The following KCTD19 variants were observed in gnomAD, a reference collection of about 807,000 sequenced individuals.
The protein encoded by KCTD19 is potassium channel tetramerization domain containing 19.
A neutral mutation model predicts 103.5 loss-of-function variants in KCTD19; 67 were observed. The observed-to-expected ratio is 0.65, with a 90% CI of 0.53 to 0.79. KCTD19 has a LOEUF of 0.79. KCTD19 is among the 30% of genes least tolerant of loss of function. KCTD19 has a pLI of 0.00. For synonymous variants in KCTD19, 439 were observed against 452.2 expected, an observed-to-expected ratio of 0.97 and a Z score of 0.37; for missense variants, 980 against 1,136.1, an observed-to-expected ratio of 0.86 and a Z score of 1.98.
intron 5 of KCTD19, among the ~76,000 whole-genome samples, 184 bp downstream of exon 5, chr16:67,301,607 C>T (rs74943164): frequency 2.6e-5 from 4 of 152,208 alleles, no homozygotes; most frequent in South Asian, 2.1e-4. Context: ...AAGGCTGAGC[C>T]GGCAGGGCAG....
In KCTD19 at chr16:67,295,390, AC is replaced by A; in HGVS notation, c.1263del (p.Ser422ProfsTer31). 6.2e-7 allele frequency: 1 copy of A among 1,612,910 alleles called. No homozygotes were observed. The highest frequency in any genetic ancestry group is 8.5e-7 in the Non-Finnish European group (1 of 1,179,072). ...LQTLLKYPEL[L>X]SNPQRVYWIT... ...ATCCAGTACACTCTCTGAGGGTTGGACAGCAGTTCTGGATACTGGAGGGGGT... is the reference window on the plus strand; with the variant it reads ...ATCCAGTACACTCTCTGAGGGTTGGAAGCAGTTCTGGATACTGGAGGGGGT... On this transcript the variant is annotated frameshift_variant, in exon 9 of 16. Transcript: ENST00000304372. LOFTEE classifies it high-confidence loss of function.
chr16:67,297,404 C>G (rs937537841), intron 7 of KCTD19, 99 bp downstream of exon 7: 4 of 1,204,514 alleles, frequency 3.3e-6, no homozygotes, highest in Non-Finnish European at 4.7e-6. Context: ...CCCTCCTCCT[C>G]CATCTACAGT....
At position 67,297,625 on chromosome 16, in the gene KCTD19, G is replaced by A. The variant is rs1029861628; in HGVS notation, c.1025C>T (p.Thr342Ile). ...LGTCRLPLTETISEVYELCAF... is the reference protein window; with the variant it reads ...LGTCRLPLTEIISEVYELCAF... ...ACAGAGCTCATATACCTCGGAAATG[G>A]TCTCTGTCAGGGGCAGCCGGCAAGT... The change falls in exon 7 of 16, where the codon ACC becomes ATC. Residue 342 changes from threonine (T) to isoleucine (I), a missense_variant. Physicochemically the swap from Thr to Ile is moderately conservative, Grantham distance 89. Coordinates refer to ENST00000304372, the MANE Select transcript of KCTD19 (RefSeq NM_001100915.3). 28 of 1,614,044 alleles carry A rather than the reference G, an allele frequency of 1.7e-5. No homozygotes were observed. Among genetic ancestry groups the A allele is most frequent in the Middle Eastern group, 3.3e-4 (2 of 6,030 alleles).
At chr16:67,314,734 C>T (rs2036984196) in intron 2 of KCTD19, among the ~76,000 whole-genome samples, 1 of 147,964 alleles carries the variant, frequency 6.8e-6, no homozygotes, top group Admixed American at 6.8e-5. Context: ...ATCTTCTATA[C>T]ATATAATCAT....
At chr16:67,314,693 T>G (rs993695124) in intron 2 of KCTD19, among the ~76,000 whole-genome samples, 1 of 151,062 alleles carries the variant, frequency 6.6e-6, no homozygotes, top group Non-Finnish European at 1.5e-5. Context: ...GCTGGGATTA[T>G]AGGCATGAGC....
At chr16:67,325,335 C>T (rs949213981) in intron 1 of KCTD19, among the ~76,000 whole-genome samples, 2 of 151,338 alleles carry the variant, frequency 1.3e-5, no homozygotes, top group African/African-American at 2.4e-5. Flanking sequence ...CTCCAGCCTC[C>T]TCAAGTAGCT....
At chr16:67,312,106 G>A (rs1389613402) in intron 2 of KCTD19, among the ~76,000 whole-genome samples, 1 of 152,208 alleles carries the variant, frequency 6.6e-6, no homozygotes, top group East Asian at 1.9e-4. Context: ...GCTCACAAGT[G>A]GAACAATTTA....
In KCTD19 at chr16:67,303,778, C is replaced by A. The variant is rs2142510180; in HGVS notation, c.452-441G>T. Among the ~76,000 whole-genome samples, 1 of 152,196 alleles carries A rather than the reference C, an allele frequency of 6.6e-6. No individual in the cohort carries two copies. The highest frequency in any genetic ancestry group is 2.4e-5 in the African/African-American group (1 of 41,516). ...GTCAGGCTGGTCTCGAACTCCTGAC[C>A]TCACGTGATCCATCTGCCTCAGCCT... On this transcript the variant is annotated intron_variant, in intron 3 of 15. Transcript: ENST00000304372. This position sits in a 1 kb window ranked among gnomAD's most constrained non-coding sequence, Gnocchi z 4.3.
At chr16:67,291,032 C>A (rs1444031310) in intron 14 of KCTD19, 46 bp from the exon 15 acceptor site, 2 of 1,591,448 alleles carry the variant, frequency 1.3e-6, no homozygotes, top group Admixed American at 3.4e-5. Context: ...CAGCTCCTAG[C>A]CCCTCAGAGT....
In KCTD19 at chr16:67,303,420, C is replaced by T. The variant is rs1341466658; in HGVS notation, c.452-83G>A. 1.7e-6 allele frequency: 2 copies of T among 1,195,022 alleles called. No individual in the cohort carries two copies. The highest frequency in any genetic ancestry group is 2.3e-6 in the Non-Finnish European group (2 of 852,926). 74.0% of individuals were successfully genotyped at this position (1,195,022 alleles called of 1,614,324 possible). A position where few individuals can be genotyped will look rare whatever the true frequency, so the allele number is the denominator to read the frequency against. On this transcript the variant is annotated intron_variant, in intron 3 of 15. Transcript: ENST00000304372. This position sits in a 1 kb window ranked among gnomAD's most constrained non-coding sequence, Gnocchi z 4.3. Reference sequence around the variant, plus strand: ...AGCAGGGCTTTCACTGACCCAGGGGCCCCAGAGGATGCTAGAGAGACCCCC... The same window carrying T: ...AGCAGGGCTTTCACTGACCCAGGGGTCCCAGAGGATGCTAGAGAGACCCCC...
At chr16:67,299,818 C>T in intron 5 of KCTD19, 1 of 531,118 alleles carries the variant, frequency 1.9e-6, no homozygotes. Flanking sequence ...TTTGCTGTAT[C>T]ACTAGCATCT....
chr16:67,289,657 T>C lies in KCTD19; in HGVS notation c.2693A>G (p.Tyr898Cys). The part of the protein sequence containing the change: ...VELTLPFARK[Y>C]GRCMDLLIQR... ...GATGAGCAGGTCCATGCATCGGCCA[T>C]ATTTCCTGGCGAAGGGCAGTGTAAG... is the stretch of plus-strand genomic sequence containing the variant. The change falls in exon 16 of 16, where the codon TAT becomes TGT. Residue 898 changes from tyrosine to cysteine, a missense_variant. Physicochemically the swap from Tyr to Cys is radical, Grantham distance 194 (BLOSUM62 -2). Coordinates refer to ENST00000304372, the MANE Select transcript of KCTD19 (RefSeq NM_001100915.3). The C allele has an allele frequency of 1.2e-6, 2 of 1,614,048 alleles. No homozygotes were observed. The highest frequency in any genetic ancestry group is 2.7e-5 in the African/African-American group (2 of 75,044).
At chr16:67,294,224 G>T (rs541401542) in intron 11 of KCTD19, 53 bp from the exon 12 acceptor site, 11 of 1,526,118 alleles carry the variant, frequency 7.2e-6, no homozygotes, top group South Asian at 6.2e-5. Context: ...GGACATCAAC[G>T]CCTTGCCCAA....
intron 1 of KCTD19, chr16:67,321,811 A>G (rs2037076527): frequency 1.3e-5 from 2 of 152,206 alleles, no homozygotes; most frequent in African/African-American, 4.8e-5. Context: ...TTGACTGAAG[A>G]CTGGTCCTCC....
chr16:67,299,618 T>C (rs1220582980), intron 5 of KCTD19, 45 bp from the exon 6 acceptor site: 1 of 1,548,390 alleles, frequency 6.5e-7, no homozygotes, highest in Middle Eastern at 1.7e-4. Context: ...CCCATGGTCA[T>C]AGCTGGATTG....
chr16:67,291,885 T>G (rs1272516281), intron 12 of KCTD19, 48 bp from the exon 13 acceptor site: 3 of 1,377,472 alleles, frequency 2.2e-6, no homozygotes, highest in Non-Finnish European at 2.0e-6. Flanking sequence ...AAAAAAATTT[T>G]TTTTCAAGAT....
chr16:67,319,263 A>G (rs556298093), intron 2 of KCTD19, among the ~76,000 whole-genome samples: 4 of 152,236 alleles, frequency 2.6e-5, no homozygotes, highest in African/African-American at 9.6e-5. Flanking sequence ...ATTTCCAAAT[A>G]TAGAATGACT....
intron 2 of KCTD19, among the ~76,000 whole-genome samples, chr16:67,308,463 C>G (rs184772641): frequency 6.6e-6 from 1 of 152,244 alleles, no homozygotes; most frequent in Admixed American, 6.5e-5. Context: ...CTGCGCCCAG[C>G]CTAAATTACC....
intron 7 of KCTD19, 32 bp downstream of exon 7, chr16:67,297,471 C>A: frequency 6.2e-7 from 1 of 1,609,126 alleles, no homozygotes; most frequent in Non-Finnish European, 8.5e-7. Context: ...TCCCCTGATG[C>A]TAAATTCAAA....
Sources: allele counts gnomAD v4.1 joint callset (sites outside exome capture counted in the v4.1 genomes callset), GRCh38; gene constraint gnomAD v4.1.1; non-coding constraint Gnocchi (gnomAD v3.1); transcripts MANE v1.5; gene names NCBI Gene and HGNC (gene_info 2026-07-23, HGNC 2026-07-21).